The following SLC17A6 variants were observed in gnomAD, a reference collection of about 807,000 sequenced individuals.
SLC17A6 encodes the protein vesicular glutamate transporter 2.
SLC17A6 carries 35 observed loss-of-function variants against 67.1 expected under a neutral mutation model. The ratio of observed to expected loss-of-function variants is 0.52; its 90% CI spans 0.40 to 0.69. SLC17A6 has a LOEUF of 0.69. SLC17A6 is among the 30% of genes least tolerant of loss of function. The pLI is 0.00. For missense variants in SLC17A6, 588 were observed against 723.9 expected, an observed-to-expected ratio of 0.81 and a Z score of 2.15; for synonymous variants, 285 against 252.3, an observed-to-expected ratio of 1.13 and a Z score of -1.23.
chr11:22,353,452 G>T (rs1307628453), intron 3 of SLC17A6, among the ~76,000 whole-genome samples: 2 of 152,152 alleles, frequency 1.3e-5, no homozygotes, highest in Non-Finnish European at 2.9e-5. Flanking sequence ...GAGGCTAAAA[G>T]AATTTAAGTA....
chr11:22,353,589 GA>G (rs1010021295), intron 3 of SLC17A6, among the ~76,000 whole-genome samples: 4 of 152,130 alleles, frequency 2.6e-5, no homozygotes, highest in Non-Finnish European at 5.9e-5. Context: ...ATGTCCCCAA[GA>G]AAAATATGGC....
At chr11:22,349,134 C>T (rs1855909833) in intron 3 of SLC17A6, among the ~76,000 whole-genome samples, 1 of 152,112 alleles carries the variant, frequency 6.6e-6, no homozygotes, top group Non-Finnish European at 1.5e-5. Flanking sequence ...ATTGCAACCT[C>T]CATTGCAAGA....
chr11:22,352,071 A>G (rs1394203233), intron 3 of SLC17A6, among the ~76,000 whole-genome samples: 1 of 152,194 alleles, frequency 6.6e-6, no homozygotes, highest in Admixed American at 6.5e-5. Flanking sequence ...CTTTAAGAGG[A>G]CACCTTATCG....
At chr11:22,347,032 T>C (rs1590379963) in intron 3 of SLC17A6, among the ~76,000 whole-genome samples, 1 of 151,942 alleles carries the variant, frequency 6.6e-6, no homozygotes, top group East Asian at 1.9e-4. Context: ...CCTATCCTCT[T>C]GATTTCTCAA....
rs770485441 is a variant in SLC17A6, at chr11:22,377,436, T to C, written c.1445T>C (p.Ile482Thr). Residue 482 changes from isoleucine (I) to threonine (T), a missense_variant, in exon 12 of 12, where the codon ATC (isoleucine) becomes ACC (threonine). Transcript: ENST00000263160. ...SREEWQYVFL[I>T]AALVHYGGVI... ...GAAGAGTGGCAGTATGTCTTCCTGA[T>C]CGCTGCCCTAGTCCACTATGGTGGA... is the stretch of plus-strand genomic sequence containing the variant. 5 of 1,611,778 alleles carry C rather than the reference T, an allele frequency of 3.1e-6. No individual in the cohort carries two copies. The South Asian group carries it at 4.4e-5, about 14-fold the overall frequency.
chr11:22,340,654 T>C (rs891780474), intron 1 of SLC17A6, among the ~76,000 whole-genome samples: 2 of 152,090 alleles, frequency 1.3e-5, no homozygotes, highest in Non-Finnish European at 2.9e-5. Flanking sequence ...GTAAGAGAGA[T>C]AGTAATGACG....
At chr11:22,363,086 C>A (rs912833685) in intron 6 of SLC17A6, among the ~76,000 whole-genome samples, 2 of 152,116 alleles carry the variant, frequency 1.3e-5, no homozygotes, top group African/African-American at 4.8e-5. Flanking sequence ...CTATGTCCTT[C>A]ATTATGAAAA....
intron 8 of SLC17A6, among the ~76,000 whole-genome samples, chr11:22,372,909 GA>G (rs1385472717): frequency 6.6e-6 from 1 of 152,102 alleles, no homozygotes; most frequent in African/African-American, 2.4e-5. Context: ...TCAAAAACTT[GA>G]AACCTCTTTG....
chr11:22,373,157 G>T (rs1856193052), intron 8 of SLC17A6, among the ~76,000 whole-genome samples: 1 of 152,166 alleles, frequency 6.6e-6, no homozygotes, highest in Admixed American at 6.5e-5. Context: ...TGTTCAAATA[G>T]ATAGTAAATA....
intron 7 of SLC17A6, among the ~76,000 whole-genome samples, chr11:22,369,432 T>G (rs1564986029): frequency 6.6e-6 from 1 of 152,002 alleles, no homozygotes; most frequent in Non-Finnish European, 1.5e-5. Flanking sequence ...GTTCTGAGTT[T>G]TATAGAACCT....
chr11:22,363,341 T>A (rs552373656), intron 6 of SLC17A6, among the ~76,000 whole-genome samples: 1 of 152,298 alleles, frequency 6.6e-6, no homozygotes, highest in African/African-American at 2.4e-5. Context: ...CCTCCAGAAT[T>A]AAAGGCAATT....
intron 8 of SLC17A6, among the ~76,000 whole-genome samples, chr11:22,373,987 T>C (rs1856202378): frequency 6.6e-6 from 1 of 152,248 alleles, no homozygotes; most frequent in South Asian, 2.1e-4. Context: ...AACTTCCTTA[T>C]GTGTTTACAT....
At chr11:22,375,015 T>A in intron 9 of SLC17A6, 128 bp downstream of exon 9, 1 of 921,502 alleles carries the variant, frequency 1.1e-6, no homozygotes, top group Non-Finnish European at 1.6e-6. Context: ...ATTATTCACT[T>A]AAAATAACTT....
At chr11:22,341,850 T>A (rs1562447) in intron 2 of SLC17A6, 70 bp downstream of exon 2, 327,522 of 1,547,194 alleles carry the variant, frequency 0.21, 37,013 homozygotes, top group Non-Finnish European at 0.24. Context: ...CATCTCCTGT[T>A]TGAGCCCCGT....
chr11:22,372,583 C>G (rs1485249159), intron 8 of SLC17A6, among the ~76,000 whole-genome samples: 3 of 151,898 alleles, frequency 2.0e-5, no homozygotes, highest in Admixed American at 2.0e-4. Context: ...AGGAGAAGAA[C>G]AGTGTTGGCT....
At chr11:22,348,603 G>C (rs1415050343) in intron 3 of SLC17A6, among the ~76,000 whole-genome samples, 1 of 152,194 alleles carries the variant, frequency 6.6e-6, no homozygotes, top group Non-Finnish European at 1.5e-5. Context: ...GCAGAGATTT[G>C]AACATGACTG....
Position 22,377,134 on chromosome 11 carries a change from T to G in SLC17A6, c.1414-271T>G, listed in dbSNP as rs149546333. On this transcript the variant is annotated intron_variant, in intron 11 of 11. Coordinates refer to ENST00000263160, the MANE Select transcript of SLC17A6 (RefSeq NM_020346.3). The stretch of plus-strand genomic sequence containing the variant: ...TGGAATAAAAAGATAAGTAAATCAA[T>G]GGAAAAAAAGAGATTATGAATATTT... 4.4e-4 allele frequency among the ~76,000 whole-genome samples: 67 copies of G among 152,114 alleles called. 1 individual carries two copies. The East Asian group carries it at 9.8e-3, about 22-fold the overall frequency.
rs1272208334 is a variant in SLC17A6 at position 22,344,987 on chromosome 11, A to T, written c.458+1622A>T. 3.3e-5 allele frequency among the ~76,000 whole-genome samples: 5 copies of T among 152,202 alleles called. No homozygotes were observed. In the East Asian group the frequency reaches 9.6e-4, roughly 29 times the overall value. On this transcript the variant is annotated intron_variant, in intron 3 of 11. Coordinates refer to ENST00000263160, the MANE Select transcript of SLC17A6 (RefSeq NM_020346.3). ...TGTTTTCACTGCAGGAGAAAAAAAA[A>T]TCCAACAATTCACCAAAAAACAAAA...
intron 3 of SLC17A6, among the ~76,000 whole-genome samples, chr11:22,352,863 G>T (rs1272774673): frequency 6.6e-6 from 1 of 152,178 alleles, no homozygotes; most frequent in African/African-American, 2.4e-5. Flanking sequence ...TTTCCCATGA[G>T]ATACTTTAGA....
Sources: gnomAD v4.1 joint callset for allele counts (sites outside exome capture counted in the v4.1 genomes callset) on GRCh38, gnomAD v4.1.1 for gene constraint, MANE v1.5 for transcripts, NCBI Gene and HGNC (gene_info 2026-07-23, HGNC 2026-07-21) for gene names.